Variants in CREB1 observed in about 807,000 individuals in gnomAD.
CREB1 encodes the protein cyclic AMP-responsive element-binding protein 1.
CREB1 carries 2 observed loss-of-function variants against 42.0 expected under a neutral mutation model. The observed-to-expected ratio is 0.05, with a 90% CI of 0.02 to 0.15. The LOEUF (loss-of-function observed/expected upper bound fraction) is 0.15, where lower values mean the gene tolerates loss of function less well. Ranked by LOEUF, CREB1 falls within the 10% of genes least tolerant of loss-of-function variation. CREB1 has a pLI of 1.00. For synonymous variants in CREB1, 123 were observed against 139.9 expected (o/e 0.88, Z 0.85); for missense variants, 199 against 388.9 (o/e 0.51, Z 4.11).
chr2:207,564,906 A>G (rs191822635), intron 3 of CREB1, among the ~76,000 whole-genome samples: 1 of 152,344 alleles, frequency 6.6e-6, no homozygotes, highest in Admixed American at 6.5e-5. Flanking sequence ...GGGTTCCATC[A>G]TTGGAATGTG....
Position 207,575,946 on chromosome 2 carries a change from CCCA to C in CREB1, c.688+493_688+495del, listed in dbSNP as rs1165237954. ...CTGTTTCTCTGCTTCCCCCCCCCCC[CCCA>C]AAAGAAATTTAAATCTTCTGAGATC... On this transcript the variant is annotated intron_variant, in intron 6 of 7. Transcript: ENST00000353267. Among the ~76,000 whole-genome samples the C allele has an allele frequency of 3.8e-4, 26 of 68,308 alleles. 9 individuals are homozygous for C. In the East Asian group the frequency reaches 0.01, roughly 27 times the overall value. 44.8% of individuals were successfully genotyped at this position (68,308 alleles called of 152,430 possible).
intron 1 of CREB1, among the ~76,000 whole-genome samples, chr2:207,548,132 A>C (rs1317879463): frequency 1.3e-5 from 2 of 151,946 alleles, no homozygotes; most frequent in Non-Finnish European, 2.9e-5. Flanking sequence ...GGGGTTTCAC[A>C]ATGTTGGCCA....
intron 5 of CREB1, among the ~76,000 whole-genome samples, chr2:207,570,601 C>G (rs549081619): frequency 6.6e-6 from 1 of 152,052 alleles, no homozygotes; most frequent in Non-Finnish European, 1.5e-5. Flanking sequence ...TTTTGAACCA[C>G]TAATTGAGAC....
rs1233840306 is a variant in CREB1 at position 207,603,141 on chromosome 2, A to G, written c.*6083A>G. 4 of 211,046 alleles carry G rather than the reference A, an allele frequency of 1.9e-5. No individual in the cohort carries two copies. Among genetic ancestry groups the G allele is most frequent in the Admixed American group, 5.9e-5 (1 of 17,036 alleles). 13.1% of individuals were successfully genotyped at this position (211,046 alleles called of 1,614,324 possible). A position where few individuals can be genotyped will look rare whatever the true frequency, so the allele number is the denominator to read the frequency against. ...ATACATTTCTAATAAAATTCCCTAC[A>G]TTCTAGAAACATCCCTGTTTTAATT... On this transcript the variant is annotated 3_prime_UTR_variant, in exon 8 of 8. Coordinates refer to ENST00000353267, the MANE Select transcript of CREB1 (RefSeq NM_004379.5).
At chr2:207,579,638 A>G (rs2082763336) in intron 7 of CREB1, among the ~76,000 whole-genome samples, 1 of 152,194 alleles carries the variant, frequency 6.6e-6, no homozygotes, top group African/African-American at 2.4e-5. Context: ...GGACTCTTTC[A>G]TAACATTACT....
intron 5 of CREB1, among the ~76,000 whole-genome samples, 184 bp from the exon 6 acceptor site, chr2:207,575,088 A>T (rs977098654): frequency 6.6e-6 from 1 of 152,214 alleles, no homozygotes; most frequent in Non-Finnish European, 1.5e-5. Context: ...GTGCATTTCT[A>T]TTGTAGAAGT....
At chr2:207,532,403 G>T (rs1258557775) in intron 1 of CREB1, among the ~76,000 whole-genome samples, 4 of 151,842 alleles carry the variant, frequency 2.6e-5, no homozygotes, top group African/African-American at 9.7e-5. Context: ...GGCCGAGTGC[G>T]GTGGCTCACA....
intron 1 of CREB1, among the ~76,000 whole-genome samples, chr2:207,530,557 C>G (rs1163049426): frequency 6.8e-6 from 1 of 146,094 alleles, no homozygotes; most frequent in Non-Finnish European, 1.5e-5. Flanking sequence ...CGGCCCGGCG[C>G]TGCCCCCCGC....
chr2:207,593,937 T>A (rs1445935026), intron 7 of CREB1, among the ~76,000 whole-genome samples: 4 of 152,170 alleles, frequency 2.6e-5, no homozygotes, highest in African/African-American at 9.7e-5. Flanking sequence ...CAGGCTGGTC[T>A]CAAACTCCTG....
At chr2:207,544,996 G>A (rs1384420077) in intron 1 of CREB1, among the ~76,000 whole-genome samples, 1 of 152,006 alleles carries the variant, frequency 6.6e-6, no homozygotes, top group Non-Finnish European at 1.5e-5. Flanking sequence ...GCATGTCTTC[G>A]CTATTGTGAA....
At chr2:207,577,148 C>A in intron 6 of CREB1, 2 of 987,204 alleles carry the variant, frequency 2.0e-6, no homozygotes, top group Non-Finnish European at 2.4e-6. Context: ...TTACCAATAT[C>A]AAAGGAAGAC....
intron 3 of CREB1, among the ~76,000 whole-genome samples, chr2:207,560,735 AATAT>A (rs1308206354): frequency 3.9e-5 from 6 of 152,322 alleles, no homozygotes; most frequent in Non-Finnish European, 7.4e-5. Context: ...ATTGGAGAAA[AATAT>A]ACCCTTGATC....
chr2:207,581,989 C>G (rs1160115362), intron 7 of CREB1: 2 of 701,060 alleles, frequency 2.9e-6, no homozygotes, highest in South Asian at 1.5e-5. Context: ...AGGAATTCCA[C>G]AGAGGTATAG....
chr2:207,566,992 A>G (rs2082164047), intron 3 of CREB1, among the ~76,000 whole-genome samples: 2 of 151,916 alleles, frequency 1.3e-5, no homozygotes, highest in Admixed American at 1.3e-4. Context: ...GCTAGGAACA[A>G]CTGTCAGGGA....
intron 1 of CREB1, among the ~76,000 whole-genome samples, chr2:207,530,538 C>T (rs1183906692): frequency 6.9e-6 from 1 of 145,822 alleles, no homozygotes; most frequent in Non-Finnish European, 1.5e-5. Flanking sequence ...CCGGGGGAGG[C>T]CGCCCGCTCG....
intron 3 of CREB1, among the ~76,000 whole-genome samples, chr2:207,560,824 T>G (rs142389698): frequency 1.3e-5 from 2 of 152,346 alleles, no homozygotes; most frequent in East Asian, 3.9e-4. Context: ...TCAGCTGTGC[T>G]TAGGGTTTTC....
rs2087271051 is a variant in CREB1 at position 207,602,583 on chromosome 2, A to T, written c.*5525A>T. 1 of 211,958 alleles carries T rather than the reference A, an allele frequency of 4.7e-6. No homozygotes were observed. The highest frequency in any genetic ancestry group is 5.9e-5 in the Admixed American group (1 of 17,030). The allele number at this position is 211,958 out of a possible 1,614,324, so 13.1% of individuals were successfully genotyped here. On this transcript the variant is annotated 3_prime_UTR_variant, in exon 8 of 8. Transcript: ENST00000353267. Reference sequence around the variant, plus strand: ...TGAGTTAGCTTAAAAATTGGTAGGGAGGAAGAAAATCTCTGCAAATAATGA... The same window carrying T: ...TGAGTTAGCTTAAAAATTGGTAGGGTGGAAGAAAATCTCTGCAAATAATGA...
intron 1 of CREB1, among the ~76,000 whole-genome samples, chr2:207,552,953 C>G (rs2081572065): frequency 6.6e-6 from 1 of 151,328 alleles, no homozygotes; most frequent in Non-Finnish European, 1.5e-5. Flanking sequence ...TCATTACTGT[C>G]ATTGAGTGTA....
chr2:207,530,889 C>G (rs2080588937), intron 1 of CREB1, among the ~76,000 whole-genome samples: 1 of 151,692 alleles, frequency 6.6e-6, no homozygotes, highest in Admixed American at 6.6e-5. Context: ...TGAGGAAATG[C>G]TGCTTTCTGC....
Sources: allele counts gnomAD v4.1 joint callset (sites outside exome capture counted in the v4.1 genomes callset), GRCh38; gene constraint gnomAD v4.1.1; transcripts MANE v1.5; gene names NCBI Gene and HGNC (gene_info 2026-07-23, HGNC 2026-07-21).